The following SCHIP1 variants were observed in gnomAD, a reference collection of about 807,000 sequenced individuals.
SCHIP1 encodes schwannomin-interacting protein 1.
A neutral mutation model predicts 29.7 loss-of-function variants in SCHIP1; 8 were observed. The ratio of observed to expected loss-of-function variants is 0.27; its 90% CI spans 0.16 to 0.49. The LOEUF (loss-of-function observed/expected upper bound fraction) is 0.49. Ranked by LOEUF, SCHIP1 falls within the 20% of genes least tolerant of loss-of-function variation. The pLI, the probability that SCHIP1 is intolerant of heterozygous loss-of-function variation, is 0.99. For synonymous variants in SCHIP1, 76 were observed against 94.9 expected (o/e 0.80, Z 1.16); for missense variants, 193 against 294.6 (o/e 0.66, Z 2.52).
chr3:159,672,994 A>C, the SCHIP1 span, among the ~76,000 whole-genome samples: 1 of 152,172 alleles, frequency 6.6e-6, no homozygotes, highest in South Asian at 2.1e-4. Flanking sequence ...TCTCTGAACC[A>C]TATAAGCTCT....
the SCHIP1 span, among the ~76,000 whole-genome samples, chr3:159,421,505 G>C: frequency 6.8e-6 from 1 of 147,316 alleles, no homozygotes; most frequent in East Asian, 1.9e-4. Flanking sequence ...CTATGAAAAA[G>C]GAGAACAAAT....
the SCHIP1 span, among the ~76,000 whole-genome samples, chr3:159,310,769 A>G: frequency 1.3e-5 from 2 of 152,202 alleles, no homozygotes; most frequent in Non-Finnish European, 2.9e-5. Context: ...CAAAATTTCT[A>G]CATCTTTTGT....
At chr3:159,692,013 C>CTTTTTT in the SCHIP1 span, among the ~76,000 whole-genome samples, 5 of 90,948 alleles carry the variant, frequency 5.5e-5, 1 homozygote, top group Admixed American at 1.2e-4. Context: ...CCCGACCTTT[C>CTTTTTT]TTTTTTTTTT....
At chr3:159,719,277 A>C in the SCHIP1 span, among the ~76,000 whole-genome samples, 1 of 152,144 alleles carries the variant, frequency 6.6e-6, no homozygotes, top group Admixed American at 6.5e-5. Context: ...AATCATAAAA[A>C]CCCTAGAAGA....
the SCHIP1 span, among the ~76,000 whole-genome samples, chr3:159,360,848 G>A: frequency 6.6e-6 from 1 of 152,100 alleles, no homozygotes; most frequent in Admixed American, 6.6e-5. Flanking sequence ...GGTGTACAAT[G>A]CTGGAAATTT....
chr3:159,295,123 A>G, the SCHIP1 span, among the ~76,000 whole-genome samples: 1 of 152,188 alleles, frequency 6.6e-6, no homozygotes, highest in East Asian at 1.9e-4. Flanking sequence ...AAAGAAGTTT[A>G]CAACATTCCC....
chr3:159,763,976 C>A, the SCHIP1 span: 1 of 148,912 alleles, frequency 6.7e-6, no homozygotes, highest in Non-Finnish European at 1.5e-5. Context: ...CGGGCCGGGC[C>A]GGGGCGGGGG....
At chr3:159,615,462 C>T in the SCHIP1 span, among the ~76,000 whole-genome samples, 2 of 152,184 alleles carry the variant, frequency 1.3e-5, no homozygotes, top group African/African-American at 2.4e-5. Context: ...GAGTGAAAGA[C>T]GTTGAGCGTA....
At chr3:159,635,132 A>G in the SCHIP1 span, among the ~76,000 whole-genome samples, 1 of 152,196 alleles carries the variant, frequency 6.6e-6, no homozygotes, top group Non-Finnish European at 1.5e-5. Flanking sequence ...AACTTTGCAG[A>G]TAGTTGAAAT....
At chr3:159,531,647 C>G in the SCHIP1 span, among the ~76,000 whole-genome samples, 2 of 152,076 alleles carry the variant, frequency 1.3e-5, no homozygotes, top group African/African-American at 2.4e-5. Context: ...GTCTAGAAAC[C>G]TGATCCAGAA....
the SCHIP1 span, among the ~76,000 whole-genome samples, chr3:159,830,681 G>C: frequency 6.6e-6 from 1 of 152,134 alleles, no homozygotes; most frequent in Non-Finnish European, 1.5e-5. Flanking sequence ...GACACCAGCT[G>C]TCCTCTTCTG....
At chr3:159,323,328 T>C in the SCHIP1 span, among the ~76,000 whole-genome samples, 1 of 152,218 alleles carries the variant, frequency 6.6e-6, no homozygotes, top group East Asian at 1.9e-4. Flanking sequence ...TTTTATTTCT[T>C]AGTCTCCCAC....
At chr3:159,477,232 T>C in the SCHIP1 span, among the ~76,000 whole-genome samples, 98,118 of 152,050 alleles carry the variant, frequency 0.65, 32,208 homozygotes, top group East Asian at 0.78. Context: ...CTATTGTGAA[T>C]AATGCTGCTG....
chr3:159,465,174 T>A, the SCHIP1 span, among the ~76,000 whole-genome samples: 1 of 152,140 alleles, frequency 6.6e-6, no homozygotes, highest in African/African-American at 2.4e-5. Context: ...CTACTGCTGC[T>A]TTCTACAGAA....
chr3:159,466,777 A>G, the SCHIP1 span, among the ~76,000 whole-genome samples: 1 of 152,246 alleles, frequency 6.6e-6, no homozygotes, highest in Non-Finnish European at 1.5e-5. Context: ...TGAGCATTAC[A>G]ACTGCCAATA....
At chr3:159,351,535 C>A in the SCHIP1 span, among the ~76,000 whole-genome samples, 1 of 151,886 alleles carries the variant, frequency 6.6e-6, no homozygotes, top group Non-Finnish European at 1.5e-5. Context: ...TTTAGTGCTA[C>A]CAGTCTTTTT....
At chr3:159,735,510 G>A in the SCHIP1 span, among the ~76,000 whole-genome samples, 2 of 152,060 alleles carry the variant, frequency 1.3e-5, no homozygotes, top group Non-Finnish European at 2.9e-5. Context: ...GATTACAGAC[G>A]TGAGCCACCA....
the SCHIP1 span, among the ~76,000 whole-genome samples, chr3:159,554,327 A>G: frequency 6.6e-6 from 1 of 152,082 alleles, no homozygotes; most frequent in South Asian, 2.1e-4. Context: ...TGCATGGAAG[A>G]GTTTTATATA....
the SCHIP1 span, among the ~76,000 whole-genome samples, chr3:159,758,342 G>A: frequency 1.3e-5 from 2 of 152,034 alleles, no homozygotes; most frequent in Admixed American, 6.6e-5. Context: ...TAGTAGAGGC[G>A]GTGTTTCACT....
Sources: gnomAD v4.1 joint callset for allele counts (sites outside exome capture counted in the v4.1 genomes callset) on GRCh38, gnomAD v4.1.1 for gene constraint, MANE v1.5 for transcripts, NCBI Gene and HGNC (gene_info 2026-07-23, HGNC 2026-07-21) for gene names.